ZNF185: variants seen among roughly 807,000 people sequenced by gnomAD.
ZNF185 encodes zinc finger protein 185 with LIM domain.
ZNF185 carries 56 observed loss-of-function variants against 58.6 expected under a neutral mutation model. The ratio of observed to expected loss-of-function variants is 0.95; its 90% CI spans 0.77 to 1.19. The LOEUF (loss-of-function observed/expected upper bound fraction) is 1.19, where lower values mean the gene tolerates loss of function less well. ZNF185 is among the 50% of genes most tolerant of loss of function. ZNF185 has a pLI of 0.00. For missense variants in ZNF185, 627 were observed against 573.5 expected (o/e 1.09, Z -0.95); for synonymous variants, 230 against 215.9 (o/e 1.07, Z -0.57).
chrX:152,922,680 T>C, intron 10 of ZNF185, 40 bp from the exon 12 acceptor site: 3 of 1,143,590 alleles, frequency 2.6e-6, no homozygotes, highest in Non-Finnish European at 3.5e-6. Context: ...GAGGAGGCTC[T>C]GACATCTCCA....
At chrX:152,914,791 A>T in exon 2 of ZNF185, 1 of 1,188,890 alleles carries the variant, frequency 8.4e-7, no homozygotes, top group Non-Finnish European at 1.1e-6. Flanking sequence ...AAGGGGGACA[A>T]GAGCTGGATT....
intron 2 of ZNF185, 134 bp from the exon 4 acceptor site, chrX:152,915,004 C>A: frequency 1.0e-6 from 1 of 994,789 alleles, no homozygotes; most frequent in Non-Finnish European, 1.4e-6. Context: ...GTGGGAGAGC[C>A]CCTGGGTGCC....
In ZNF185 at chrX:152,935,050, C is replaced by T. The variant is rs782064901; in HGVS notation, c.1121+2079C>T. On this transcript the variant is annotated intron_variant, in intron 14 of 22. Transcript: ENST00000449285. ...GGTTGCCCAGGCTGGTTTGGAACTCCTGGGCTCAAGCAGTCCACCGACCTC... is the reference window on the plus strand; with the variant it reads ...GGTTGCCCAGGCTGGTTTGGAACTCTTGGGCTCAAGCAGTCCACCGACCTC... 5.4e-5 allele frequency among the ~76,000 whole-genome samples: 6 copies of T among 110,699 alleles called. No individual in the cohort carries two copies. In the South Asian group the frequency reaches 2.3e-3, roughly 43 times the overall value.
intron 11 of ZNF185, among the ~76,000 whole-genome samples, chrX:152,923,332 C>T (rs1247275679): frequency 3.6e-5 from 4 of 112,023 alleles, no homozygotes; most frequent in African/African-American, 9.7e-5. Context: ...CTCAGGGTTA[C>T]TTCCTCAGTC....
At chrX:152,905,713 T>TG in the ZNF185 span, among the ~76,000 whole-genome samples, 12,443 of 70,779 alleles carry the variant, frequency 0.18, 945 homozygotes, top group African/African-American at 0.27. Context: ...CAGACAGGCT[T>TG]GGGGGGGGGG....
chrX:152,918,659 C>A (rs1241947714), intron 6 of ZNF185, among the ~76,000 whole-genome samples: 1 of 112,248 alleles, frequency 8.9e-6, no homozygotes, highest in Admixed American at 9.4e-5. Context: ...AAGCCCCCCA[C>A]CCCCCACTGC....
chrX:152,927,591 C>G (rs372257531), intron 11 of ZNF185, among the ~76,000 whole-genome samples: 2 of 111,864 alleles, frequency 1.8e-5, no homozygotes, highest in African/African-American at 6.5e-5. Context: ...ACATTCAGGA[C>G]CCCTGCCAGC....
the ZNF185 span, among the ~76,000 whole-genome samples, chrX:152,898,448 G>A: frequency 1.8e-5 from 2 of 112,694 alleles, no homozygotes; most frequent in Non-Finnish European, 3.8e-5. Flanking sequence ...GAGGAGGCCA[G>A]CGTCCCCTAC....
At chrX:152,898,304 G>A in the ZNF185 span, among the ~76,000 whole-genome samples, 1 of 112,619 alleles carries the variant, frequency 8.9e-6, no homozygotes, top group African/African-American at 3.2e-5. Flanking sequence ...CCCAGTCCGT[G>A]CCCAGCTGGG....
At chrX:152,954,498 G>A (rs2048619219) in intron 16 of ZNF185, among the ~76,000 whole-genome samples, 1 of 112,267 alleles carries the variant, frequency 8.9e-6, no homozygotes, top group Admixed American at 9.4e-5. Context: ...GAAACAAGGG[G>A]AAACAACTGG....
chrX:152,907,832 G>A, the ZNF185 span, among the ~76,000 whole-genome samples: 5 of 113,063 alleles, frequency 4.4e-5, no homozygotes, highest in South Asian at 1.4e-3. Flanking sequence ...CATTCCTTTG[G>A]TGGCCCAGGC....
exon 15 of ZNF185, chrX:152,938,145 C>G: frequency 8.4e-7 from 1 of 1,183,948 alleles, no homozygotes; most frequent in Non-Finnish European, 1.1e-6. Context: ...CAGGAGGATG[C>G]AAAGGCAGAC....
intron 16 of ZNF185, among the ~76,000 whole-genome samples, chrX:152,955,417 T>G (rs2048722272): frequency 8.9e-6 from 1 of 112,473 alleles, no homozygotes; most frequent in Admixed American, 9.4e-5. Context: ...AGAAGGTACC[T>G]CTTTATGCTA....
chrX:152,954,187 G>C (rs1413478109), intron 16 of ZNF185, among the ~76,000 whole-genome samples: 1 of 108,517 alleles, frequency 9.2e-6, no homozygotes, highest in Non-Finnish European at 1.9e-5. Flanking sequence ...AGCACAGCTA[G>C]CAGCTCAGCT....
At chrX:152,908,501 G>A in the ZNF185 span, among the ~76,000 whole-genome samples, 1 of 112,665 alleles carries the variant, frequency 8.9e-6, no homozygotes, top group African/African-American at 3.2e-5. Context: ...TGAGAGTGTA[G>A]GGCTGCGGGA....
intron 11 of ZNF185, among the ~76,000 whole-genome samples, chrX:152,925,040 C>T (rs1940582746): frequency 8.9e-6 from 1 of 112,308 alleles, no homozygotes; most frequent in East Asian, 2.8e-4. Context: ...TGCCCGTAAT[C>T]CCAGCACTTT....
At chrX:152,972,609 GC>G (rs1325520628) in exon 23 of ZNF185, 1 of 111,864 alleles carries the variant, frequency 8.9e-6, no homozygotes, top group Non-Finnish European at 1.9e-5. Flanking sequence ...GCTCCAGGGG[GC>G]TAGCTGATCT....
chrX:152,907,914 G>A, the ZNF185 span, among the ~76,000 whole-genome samples: 5 of 112,936 alleles, frequency 4.4e-5, no homozygotes, highest in Non-Finnish European at 5.6e-5. Flanking sequence ...GTAGAAATGA[G>A]GGCCATGGTA....
the ZNF185 span, among the ~76,000 whole-genome samples, chrX:152,903,885 C>T: frequency 9.0e-6 from 1 of 111,651 alleles, no homozygotes; most frequent in African/African-American, 3.3e-5. Context: ...AGGAGCTGGC[C>T]TGCCTTAAAA....
Sources: gnomAD v4.1 joint callset for allele counts (sites outside exome capture counted in the v4.1 genomes callset) on GRCh38, gnomAD v4.1.1 for gene constraint, MANE v1.5 for transcripts, NCBI Gene and HGNC (gene_info 2026-07-23, HGNC 2026-07-21) for gene names.